Variants in FSTL5 observed in about 807,000 individuals in gnomAD.
FSTL5 encodes follistatin like 5.
Under a neutral mutation model 89.1 loss-of-function variants are expected in FSTL5, and 62 were observed. That is an observed-to-expected ratio of 0.70 (90% confidence interval 0.57 to 0.86). The LOEUF (loss-of-function observed/expected upper bound fraction) is 0.86. FSTL5 is among the 40% of genes least tolerant of loss of function. FSTL5 has a pLI of 0.00. For synonymous variants in FSTL5, 383 were observed against 346.2 expected, an observed-to-expected ratio of 1.11 and a Z score of -1.18; for missense variants, 1,057 against 1,001.6, an observed-to-expected ratio of 1.06 and a Z score of -0.75.
At chr4:161,681,886 T>C (rs945055415) in intron 6 of FSTL5, among the ~76,000 whole-genome samples, 5 of 152,164 alleles carry the variant, frequency 3.3e-5, no homozygotes, top group South Asian at 2.1e-4. Context: ...GATACTTTCT[T>C]AGAAATGCAA....
At chr4:162,026,299 A>ATTTTTTTTTTTTTTTTTTT (rs1437294333) in intron 3 of FSTL5, among the ~76,000 whole-genome samples, 1 of 10,812 alleles carries the variant, frequency 9.2e-5, no homozygotes, top group Non-Finnish European at 1.9e-4. Context: ...CAGCTTATGT[A>ATTTTTTTTTTTTTTTTTTT]TTTTCTTTTT....
intron 10 of FSTL5, 29 bp from the exon 11 acceptor site, chr4:161,510,453 A>C: frequency 7.1e-7 from 1 of 1,417,816 alleles, no homozygotes; most frequent in Non-Finnish European, 9.6e-7. Flanking sequence ...AAAAGAAGAA[A>C]AAGAAAAATG....
intron 4 of FSTL5, among the ~76,000 whole-genome samples, chr4:161,795,485 G>A (rs762175180): frequency 5.3e-5 from 8 of 152,022 alleles, no homozygotes; most frequent in African/African-American, 1.7e-4. Context: ...TCCTGTCAGC[G>A]GACCAGTTCC....
At chr4:161,628,042 A>T (rs1386975063) in intron 7 of FSTL5, among the ~76,000 whole-genome samples, 1 of 152,160 alleles carries the variant, frequency 6.6e-6, no homozygotes, top group Non-Finnish European at 1.5e-5. Context: ...CTAGCTTTTA[A>T]TTCTTGCTTT....
chr4:161,572,165 A>AAAAAT lies in FSTL5; in HGVS notation c.1015+15285_1015+15289dup, dbSNP rs774676164. ...GAAACCTCACCTCTACTAAAAATACAAAAATTAGCCAGGCATGTTGACAGG... is the reference window on the plus strand; with the variant it reads ...GAAACCTCACCTCTACTAAAAATACAAAAATAAAATTAGCCAGGCATGTTGACAGG... On this transcript the variant is annotated intron_variant, in intron 8 of 15. Transcript: ENST00000306100. Among the ~76,000 whole-genome samples the AAAAAT allele has an allele frequency of 1.5e-4, 22 of 151,692 alleles. No individual in the cohort carries two copies. In the East Asian group the frequency reaches 2.1e-3, roughly 15 times the overall value.
At chr4:162,157,438 A>C (rs1733525095) in intron 1 of FSTL5, among the ~76,000 whole-genome samples, 1 of 152,078 alleles carries the variant, frequency 6.6e-6, no homozygotes, top group Non-Finnish European at 1.5e-5. Context: ...TGGACTTCAA[A>C]TCTGGGTCAC....
At chr4:162,144,948 C>A (rs1335654016) in intron 1 of FSTL5, among the ~76,000 whole-genome samples, 1 of 151,228 alleles carries the variant, frequency 6.6e-6, no homozygotes, top group African/African-American at 2.4e-5. Context: ...AATAAGTTTC[C>A]ATATTATACA....
intron 10 of FSTL5, among the ~76,000 whole-genome samples, chr4:161,513,032 C>A (rs890302013): frequency 6.6e-6 from 1 of 151,966 alleles, no homozygotes; most frequent in African/African-American, 2.4e-5. Flanking sequence ...CTCTGTAAAT[C>A]TGTTCCAATA....
intron 12 of FSTL5, among the ~76,000 whole-genome samples, chr4:161,496,488 C>T (rs1326173580): frequency 6.6e-6 from 1 of 152,092 alleles, no homozygotes; most frequent in Non-Finnish European, 1.5e-5. Flanking sequence ...AGAGCAAAGA[C>T]TAAGGTTTTT....
At chr4:161,832,699 T>C (rs1434813967) in intron 4 of FSTL5, among the ~76,000 whole-genome samples, 2 of 152,150 alleles carry the variant, frequency 1.3e-5, no homozygotes, top group Non-Finnish European at 2.9e-5. Context: ...TGATGGTAGT[T>C]TGTATTTCTG....
chr4:161,604,545 C>G lies in FSTL5; in HGVS notation c.895-16970G>C, dbSNP rs550233028. Among the ~76,000 whole-genome samples, 8 of 152,268 alleles carry G rather than the reference C, an allele frequency of 5.3e-5. No individual in the cohort carries two copies. The East Asian group carries it at 1.2e-3, about 22-fold the overall frequency. On this transcript the variant is annotated intron_variant, in intron 7 of 15. Coordinates refer to ENST00000306100, the MANE Select transcript of FSTL5 (RefSeq NM_020116.5). ...ACATAGTACTCCCAAGGAACAGGCT[C>G]TTCTCTAGCACTATTGAGATCCAAA...
intron 2 of FSTL5, among the ~76,000 whole-genome samples, chr4:162,049,408 G>A (rs754115273): frequency 5.3e-5 from 8 of 152,124 alleles, no homozygotes; most frequent in Non-Finnish European, 8.8e-5. Context: ...ACTTGCTCAC[G>A]TATTCTTCCA....
At chr4:161,903,695 G>A (rs1008334278) in intron 4 of FSTL5, among the ~76,000 whole-genome samples, 3 of 151,836 alleles carry the variant, frequency 2.0e-5, no homozygotes. Flanking sequence ...GAGGCCCATG[G>A]AGCATTTTTT....
chr4:161,710,953 A>C (rs1348027589), intron 6 of FSTL5, among the ~76,000 whole-genome samples: 1 of 152,222 alleles, frequency 6.6e-6, no homozygotes, highest in Admixed American at 6.5e-5. Flanking sequence ...GCATTCAAGA[A>C]GAAATCAAAA....
intron 3 of FSTL5, among the ~76,000 whole-genome samples, chr4:161,956,334 A>G (rs1349853965): frequency 1.3e-5 from 2 of 151,890 alleles, no homozygotes; most frequent in South Asian, 4.1e-4. Flanking sequence ...CAAATAAGTT[A>G]CAGAAAAATG....
chr4:161,561,299 A>G (rs4618270), intron 8 of FSTL5, among the ~76,000 whole-genome samples: 97 of 152,160 alleles, frequency 6.4e-4, no homozygotes, highest in African/African-American at 2.3e-3. Context: ...AGCTGGAAAA[A>G]GTATCTCTGT....
intron 4 of FSTL5, among the ~76,000 whole-genome samples, chr4:161,851,006 A>G (rs1410426536): frequency 6.6e-6 from 1 of 152,164 alleles, no homozygotes; most frequent in Non-Finnish European, 1.5e-5. Context: ...ACTAATGTAA[A>G]AGTAGACAAA....
intron 2 of FSTL5, among the ~76,000 whole-genome samples, chr4:162,059,754 G>A (rs1023433390): frequency 6.6e-6 from 1 of 152,114 alleles, no homozygotes; most frequent in Non-Finnish European, 1.5e-5. Flanking sequence ...TAAGGATGAA[G>A]GAGATAGGGC....
Position 161,413,116 on chromosome 4 carries a change from A to G in FSTL5, c.1842-26667T>C, listed in dbSNP as rs9990515. On this transcript the variant is annotated intron_variant, in intron 15 of 15. Transcript: ENST00000306100. Reference sequence around the variant, plus strand: ...CAGCAAAATAAACTATCAACAGAACAAATAGACAACCTACAGAATGGGAGA... The same window carrying G: ...CAGCAAAATAAACTATCAACAGAACGAATAGACAACCTACAGAATGGGAGA... Among the ~76,000 whole-genome samples, 953 of 152,174 alleles carry G rather than the reference A, an allele frequency of 6.3e-3. 5 individuals carry two copies. Among genetic ancestry groups the G allele is most frequent in the African/African-American group, 0.021 (874 of 41,526 alleles).
Sources: gnomAD v4.1 joint callset for allele counts (sites outside exome capture counted in the v4.1 genomes callset) on GRCh38, gnomAD v4.1.1 for gene constraint, MANE v1.5 for transcripts, NCBI Gene and HGNC (gene_info 2026-07-23, HGNC 2026-07-21) for gene names.